The following RIPOR2 variants were observed in gnomAD, a reference collection of about 807,000 sequenced individuals.
RIPOR2 encodes the protein rho family-interacting cell polarization regulator 2.
Under a neutral mutation model 114.5 loss-of-function variants are expected in RIPOR2, and 39 were observed. The observed-to-expected ratio is 0.34, with a 90% confidence interval of 0.26 to 0.44. The LOEUF (loss-of-function observed/expected upper bound fraction) is 0.44. RIPOR2 is among the 20% of genes least tolerant of loss of function. The pLI is 1.00. For missense variants in RIPOR2, 1,007 were observed against 1,255.1 expected, an observed-to-expected ratio of 0.80 and a Z score of 2.99; for synonymous variants, 445 against 484.4, an observed-to-expected ratio of 0.92 and a Z score of 1.07.
chr6:24,866,909 G>T (rs1382722965), intron 6 of RIPOR2, among the ~76,000 whole-genome samples: 1 of 152,118 alleles, frequency 6.6e-6, no homozygotes, highest in Non-Finnish European at 1.5e-5. Flanking sequence ...AGGTGGAGAT[G>T]CATATACTAG....
At chr6:24,971,870 C>T (rs1222421994) in intron 1 of RIPOR2, among the ~76,000 whole-genome samples, 1 of 133,072 alleles carries the variant, frequency 7.5e-6, no homozygotes, top group Admixed American at 7.3e-5. Flanking sequence ...TTTAATGAGT[C>T]TTGCCAAGTG....
chr6:25,006,311 C>G (rs959700873), intron 1 of RIPOR2, among the ~76,000 whole-genome samples: 4 of 152,198 alleles, frequency 2.6e-5, no homozygotes, highest in Non-Finnish European at 2.9e-5. Flanking sequence ...CAGCACTTTA[C>G]TAGAGTTAAA....
intron 15 of RIPOR2, among the ~76,000 whole-genome samples, chr6:24,835,042 G>T (rs953624668): frequency 6.6e-6 from 1 of 152,216 alleles, no homozygotes; most frequent in African/African-American, 2.4e-5. Context: ...TTAAGTAGAT[G>T]CTTGAGGAAA....
intron 1 of RIPOR2, among the ~76,000 whole-genome samples, chr6:25,012,879 T>C (rs903932813): frequency 5.9e-5 from 9 of 152,260 alleles, no homozygotes; most frequent in Non-Finnish European, 1.3e-4. Context: ...AATTTTATGG[T>C]ATATGAATCA....
At chr6:24,832,209 T>C in intron 16 of RIPOR2, 47 bp downstream of exon 16, 2 of 1,533,672 alleles carry the variant, frequency 1.3e-6, no homozygotes, top group Non-Finnish European at 1.8e-6. Flanking sequence ...ACTGGGCTAG[T>C]GGTGTCATCA....
intron 15 of RIPOR2, among the ~76,000 whole-genome samples, chr6:24,833,824 A>G (rs528203232): frequency 6.6e-6 from 1 of 152,290 alleles, no homozygotes; most frequent in Non-Finnish European, 1.5e-5. Context: ...TGTTATAATC[A>G]TGGCCTTATT....
At chr6:24,951,786 C>T (rs1306790611) in intron 1 of RIPOR2, among the ~76,000 whole-genome samples, 4 of 152,134 alleles carry the variant, frequency 2.6e-5, no homozygotes, top group Non-Finnish European at 4.4e-5. Context: ...TTTCACTGGT[C>T]CCTAATTCAC....
intron 1 of RIPOR2, among the ~76,000 whole-genome samples, chr6:24,918,870 C>G (rs990610439): frequency 1.8e-4 from 27 of 152,206 alleles, no homozygotes; most frequent in Admixed American, 5.9e-4. Flanking sequence ...CTAAAAAGGC[C>G]TGTGCCTCCT....
At chr6:24,934,480 A>T (rs1316308298) in intron 1 of RIPOR2, among the ~76,000 whole-genome samples, 1 of 152,258 alleles carries the variant, frequency 6.6e-6, no homozygotes, top group African/African-American at 2.4e-5. Context: ...TAGCAGAAAG[A>T]CAACATCAAA....
chr6:24,850,773 C>T lies in RIPOR2; in HGVS notation c.760-51G>A. 3 of 1,603,406 alleles carry T rather than the reference C, an allele frequency of 1.9e-6. No homozygotes were observed. In the Admixed American group the frequency reaches 5.0e-5, roughly 27 times the overall value. ...TCATGTCTTGCCACCCCCTCTTCTC[C>T]ACCAGAACACCAAGATCAAAAGGAG... On this transcript the variant is annotated intron_variant, in intron 9 of 21. Coordinates refer to ENST00000643898, the MANE Select transcript of RIPOR2 (RefSeq NM_001286445.3).
chr6:24,877,600 CA>C (rs573890278), intron 1 of RIPOR2, among the ~76,000 whole-genome samples: 12 of 152,268 alleles, frequency 7.9e-5, no homozygotes, highest in African/African-American at 2.9e-4. Context: ...CCTCAAGGCT[CA>C]AAAAACTCCT....
intron 1 of RIPOR2, among the ~76,000 whole-genome samples, chr6:24,962,398 G>T (rs438015): frequency 0.79 from 120,794 of 151,984 alleles, 51,557 homozygotes; most frequent in East Asian, 0.96. Flanking sequence ...AGAGTTTGGA[G>T]GTCGGGGAGA....
In RIPOR2 at chr6:24,990,560, G is replaced by A. The variant is rs1377544441; in HGVS notation, c.76+51291C>T. Among the ~76,000 whole-genome samples, 6 of 152,134 alleles carry A rather than the reference G, an allele frequency of 3.9e-5. No homozygotes were observed. In the South Asian group the frequency reaches 1.2e-3, roughly 32 times the overall value. On this transcript the variant is annotated intron_variant, in intron 1 of 13. Coordinates refer to the RIPOR2 transcript ENST00000510784. Reference sequence around the variant, plus strand: ...GATACGAGTGAATAGTTTAAAAGCCGCTGTTTCAATATTGTCTACTATGAC... The same window carrying A: ...GATACGAGTGAATAGTTTAAAAGCCACTGTTTCAATATTGTCTACTATGAC...
At chr6:24,866,478 A>G (rs1169073565) in intron 6 of RIPOR2, among the ~76,000 whole-genome samples, 1 of 151,922 alleles carries the variant, frequency 6.6e-6, no homozygotes, top group African/African-American at 2.4e-5. Flanking sequence ...TTCCTGCAAT[A>G]GAGAATTATC....
At chr6:25,002,809 G>A (rs965621016) in intron 1 of RIPOR2, among the ~76,000 whole-genome samples, 3 of 152,212 alleles carry the variant, frequency 2.0e-5, no homozygotes, top group Non-Finnish European at 4.4e-5. Context: ...CGAGGTGAAT[G>A]AACGTCATGG....
chr6:24,960,162 A>G (rs366851), intron 1 of RIPOR2, among the ~76,000 whole-genome samples: 120,975 of 152,142 alleles, frequency 0.8, 51,655 homozygotes, highest in East Asian at 0.96. Context: ...AAGGGTATGG[A>G]GGATGCATGT....
chr6:24,898,241 C>T (rs1768080713), intron 1 of RIPOR2, among the ~76,000 whole-genome samples: 1 of 152,042 alleles, frequency 6.6e-6, no homozygotes, highest in Non-Finnish European at 1.5e-5. Flanking sequence ...TTATACTTTG[C>T]TGTGTTTTCC....
chr6:24,854,596 C>G (rs1000367525), intron 8 of RIPOR2, among the ~76,000 whole-genome samples: 5 of 152,130 alleles, frequency 3.3e-5, no homozygotes, highest in Admixed American at 6.5e-5. Flanking sequence ...AAGCAAAGCA[C>G]TTTACATTCC....
chr6:24,866,464 C>T (rs1397987304), intron 6 of RIPOR2, among the ~76,000 whole-genome samples: 2 of 151,860 alleles, frequency 1.3e-5, no homozygotes, highest in Admixed American at 1.3e-4. Flanking sequence ...ATGCAGAGGA[C>T]AGCTTCCTGC....
Sources: gnomAD v4.1 joint callset for allele counts (sites outside exome capture counted in the v4.1 genomes callset) on GRCh38, gnomAD v4.1.1 for gene constraint, MANE v1.5 for transcripts, NCBI Gene and HGNC (gene_info 2026-07-23, HGNC 2026-07-21) for gene names.